ADGRL3: variants seen among roughly 807,000 people sequenced by gnomAD.
The protein encoded by ADGRL3 is calcium-independent alpha-latrotoxin receptor 3.
Under a neutral mutation model 153.5 loss-of-function variants are expected in ADGRL3, and 62 were observed. The observed-to-expected ratio is 0.40, with a 90% CI of 0.33 to 0.50. ADGRL3 has a LOEUF of 0.50. Ranked by LOEUF, ADGRL3 falls within the 20% of genes least tolerant of loss-of-function variation. The pLI, the probability that ADGRL3 is intolerant of heterozygous loss-of-function variation, is 0.47. For synonymous variants in ADGRL3, 710 were observed against 672.5 expected, an observed-to-expected ratio of 1.06 and a Z score of -0.86; for missense variants, 1,641 against 1,859.4, an observed-to-expected ratio of 0.88 and a Z score of 2.16.
chr4:61,308,688 A>C (rs576949174), intron 1 of ADGRL3, among the ~76,000 whole-genome samples: 19 of 152,344 alleles, frequency 1.2e-4, no homozygotes, highest in Non-Finnish European at 2.2e-4. Context: ...GTTGAAAATG[A>C]GAGATTAATG....
At chr4:61,846,931 G>A (rs2098123408) in intron 9 of ADGRL3, among the ~76,000 whole-genome samples, 1 of 140,204 alleles carries the variant, frequency 7.1e-6, no homozygotes, top group African/African-American at 3.0e-5. Flanking sequence ...CAAGCCGTGA[G>A]GGATATTTTA....
chr4:61,948,855 G>A (rs538293760), intron 17 of ADGRL3, among the ~76,000 whole-genome samples: 86 of 152,250 alleles, frequency 5.6e-4, no homozygotes, highest in African/African-American at 2.0e-3. Flanking sequence ...CTCCCAGTGT[G>A]ACTAGCTTTC....
chr4:62,002,203 A>G (rs1182861687), intron 21 of ADGRL3, among the ~76,000 whole-genome samples: 2 of 149,340 alleles, frequency 1.3e-5, no homozygotes, highest in Admixed American at 6.8e-5. Flanking sequence ...AAAAGAGCCC[A>G]TTACTCTTAA....
intron 8 of ADGRL3, among the ~76,000 whole-genome samples, chr4:61,764,288 G>T (rs1334621449): frequency 1.3e-5 from 2 of 152,044 alleles, no homozygotes; most frequent in African/African-American, 2.4e-5. Flanking sequence ...ATTTCACCTG[G>T]TTGCAGGCGG....
intron 1 of ADGRL3, among the ~76,000 whole-genome samples, chr4:61,277,480 A>C (rs1288793903): frequency 6.6e-6 from 1 of 152,122 alleles, no homozygotes; most frequent in Non-Finnish European, 1.5e-5. Context: ...ATATTTACTT[A>C]TTTAAATACT....
intron 24 of ADGRL3, among the ~76,000 whole-genome samples, chr4:62,039,891 A>AT (rs1244240645): frequency 6.6e-6 from 1 of 152,118 alleles, no homozygotes; most frequent in Non-Finnish European, 1.5e-5. Flanking sequence ...TAGTCATTTT[A>AT]TTGACATATG....
chr4:61,461,038 C>T (rs2097807372), intron 2 of ADGRL3, among the ~76,000 whole-genome samples: 1 of 152,130 alleles, frequency 6.6e-6, no homozygotes, highest in African/African-American at 2.4e-5. Flanking sequence ...CCAGTGCACT[C>T]CAGCCTGGGT....
At chr4:61,517,210 T>C (rs1322499812) in intron 3 of ADGRL3, 105 bp from the exon 4 acceptor site, 3 of 645,014 alleles carry the variant, frequency 4.7e-6, no homozygotes, top group Non-Finnish European at 8.5e-6. Context: ...CTTGGGCCTA[T>C]AGCCGGCGGC....
intron 2 of ADGRL3, among the ~76,000 whole-genome samples, chr4:61,448,522 G>A (rs2097617145): frequency 6.6e-6 from 1 of 152,052 alleles, no homozygotes; most frequent in Non-Finnish European, 1.5e-5. Context: ...ACTTTATAAA[G>A]TTATTGTGAT....
chr4:61,884,907 G>A (rs1313403090), intron 9 of ADGRL3, among the ~76,000 whole-genome samples: 1 of 151,208 alleles, frequency 6.6e-6, no homozygotes, highest in East Asian at 2.0e-4. Context: ...TTATAGGTGT[G>A]AGCCACCGCG....
At chr4:62,059,239 ATTGT>A (rs148103555) in intron 25 of ADGRL3, among the ~76,000 whole-genome samples, 2,318 of 152,212 alleles carry the variant, frequency 0.015, 65 homozygotes, top group African/African-American at 0.052. Flanking sequence ...ATGAGGGATA[ATTGT>A]TTGATTACTC....
At chr4:61,321,769 G>A (rs920695860) in intron 1 of ADGRL3, among the ~76,000 whole-genome samples, 4 of 152,124 alleles carry the variant, frequency 2.6e-5, no homozygotes, top group Admixed American at 2.6e-4. Flanking sequence ...GGGACCCAAT[G>A]TCATGCATGT....
intron 1 of ADGRL3, among the ~76,000 whole-genome samples, chr4:61,260,410 G>A (rs1505675): frequency 0.22 from 32,917 of 152,156 alleles, 3,755 homozygotes; most frequent in South Asian, 0.35. Context: ...AGTCTGTATA[G>A]TGTAGTGCAG....
At chr4:61,571,679 A>G (rs959333105) in intron 4 of ADGRL3, among the ~76,000 whole-genome samples, 1 of 152,178 alleles carries the variant, frequency 6.6e-6, no homozygotes, top group Non-Finnish European at 1.5e-5. Flanking sequence ...TATATTTCTC[A>G]TATATTCACT....
chr4:61,575,769 G>T (rs190750038), intron 4 of ADGRL3, among the ~76,000 whole-genome samples: 1 of 151,968 alleles, frequency 6.6e-6, no homozygotes, highest in African/African-American at 2.4e-5. Flanking sequence ...TTCACAACTT[G>T]TGTTTAATTA....
At chr4:61,525,165 C>T (rs554175401) in intron 4 of ADGRL3, among the ~76,000 whole-genome samples, 1 of 151,846 alleles carries the variant, frequency 6.6e-6, no homozygotes, top group African/African-American at 2.4e-5. Context: ...AAATGACATT[C>T]CTGGTATGAG....
At chr4:61,423,612 G>A (rs1418866586) in intron 2 of ADGRL3, among the ~76,000 whole-genome samples, 1 of 152,214 alleles carries the variant, frequency 6.6e-6, no homozygotes, top group Non-Finnish European at 1.5e-5. Flanking sequence ...CTAGGTGGAG[G>A]CCAACGGATT....
At chr4:62,051,166 G>GTA (rs1157095045) in intron 25 of ADGRL3, among the ~76,000 whole-genome samples, 856 of 52,164 alleles carry the variant, frequency 0.016, 10 homozygotes, top group African/African-American at 0.054. Flanking sequence ...GTGTGTGTGT[G>GTA]TGTATATATA....
intron 5 of ADGRL3, among the ~76,000 whole-genome samples, chr4:61,647,142 C>T (rs939561741): frequency 9.2e-5 from 14 of 152,080 alleles, no homozygotes; most frequent in East Asian, 5.9e-4. Flanking sequence ...AGCTCCTGCG[C>T]GGTGCACTGC....
Sources: allele counts gnomAD v4.1 joint callset (sites outside exome capture counted in the v4.1 genomes callset), GRCh38; gene constraint gnomAD v4.1.1; transcripts MANE v1.5; gene names NCBI Gene and HGNC (gene_info 2026-07-23, HGNC 2026-07-21).